The following GCM2 variants were observed in gnomAD, a reference collection of about 807,000 sequenced individuals.
GCM2 encodes chorion-specific transcription factor GCMb.
In GCM2, 21 loss-of-function variants were observed where a neutral mutation model predicts 24.8. That is an observed-to-expected ratio of 0.85 (90% CI 0.60 to 1.22). GCM2 has a LOEUF of 1.22. Among genes scored for constraint, GCM2 ranks in the 50% most tolerant of loss-of-function variants. The pLI is 0.00. For missense variants in GCM2, 532 were observed against 645.6 expected, an observed-to-expected ratio of 0.82 and a Z score of 1.91; for synonymous variants, 222 against 238.0, an observed-to-expected ratio of 0.93 and a Z score of 0.62.
chr6:10,874,109 G>A lies in GCM2; in HGVS notation c.1407C>T (p.Ser469=), dbSNP rs1433255347. 1.9e-6 allele frequency: 3 copies of A among 1,614,214 alleles called. No homozygotes were observed. In the Admixed American group the frequency reaches 5.0e-5, roughly 27 times the overall value. The part of the protein sequence containing the change: ...PTVAIPHEPV[S]SRTDEAETWD... ...AAGTCTCTGCTTCATCTGTCCTAGA[G>A]GAAACTGGCTCGTGGGGAATAGCCA... Residue 469 remains serine (S), a synonymous_variant, in exon 5 of 5, where the codon TCC becomes TCT. Transcript: ENST00000379491.
In GCM2 at chr6:10,874,800, T is replaced by A. The variant is rs750286126; in HGVS notation, c.716A>T (p.Asp239Val). The A allele has an allele frequency of 1.2e-6, 2 of 1,613,402 alleles. No homozygotes were observed. Among genetic ancestry groups the A allele is most frequent in the Non-Finnish European group, 1.7e-6 (2 of 1,179,578 alleles). Residue 239 changes from aspartate to valine, a missense_variant, in exon 5 of 5, where the codon GAT becomes GTT. Coordinates refer to ENST00000379491, the MANE Select transcript of GCM2 (RefSeq NM_004752.4). ...TAGGTCACAGGTAGCTTTGTAAACA[T>A]CAGACTTTGGGAAGGAAGGGCAAGG... ...GQPCPSFPKS[D>V]VYKATCDLAT...
At chr6:10,880,276 C>T (rs945924926) in intron 1 of GCM2, among the ~76,000 whole-genome samples, 1 of 140,862 alleles carries the variant, frequency 7.1e-6, no homozygotes, top group Non-Finnish European at 1.5e-5. Context: ...CAAACAACAA[C>T]AAAAAACCCC....
At chr6:10,880,146 T>G (rs1157531417) in intron 1 of GCM2, among the ~76,000 whole-genome samples, 1 of 152,000 alleles carries the variant, frequency 6.6e-6, no homozygotes, top group East Asian at 1.9e-4. Context: ...TCCCAGCTAC[T>G]CGGGAAGCTG....
rs1483750460 is a variant in GCM2 at position 10,877,126 on chromosome 6, C to T, written c.343+14G>A. On this transcript the variant is annotated intron_variant, in intron 2 of 4. Coordinates refer to ENST00000379491, the MANE Select transcript of GCM2 (RefSeq NM_004752.4). ...GACTCCAAGGTCACCCTCTCCCTGG[C>T]CCCATGTCCTCACTCTGCTGTTTCA... 1.9e-6 allele frequency: 3 copies of T among 1,609,778 alleles called. No individual in the cohort carries two copies. In the African/African-American group the frequency reaches 4.0e-5, roughly 21 times the overall value.
At chr6:10,881,551 GGTATGTGTGTGTGTGTGTGTGT>G (rs1425068425) in intron 1 of GCM2, among the ~76,000 whole-genome samples, 131 bp downstream of exon 1, 140 of 128,248 alleles carry the variant, frequency 1.1e-3, no homozygotes, top group Middle Eastern at 8.1e-3. Flanking sequence ...AAATTTTGCG[GGTATGTGTGTGTGTGTGTGTGT>G]GTGTGTGTGT....
chr6:10,873,661 C>A lies in GCM2; in HGVS notation c.*334G>T. On this transcript the variant is annotated 3_prime_UTR_variant, in exon 5 of 5. Coordinates refer to ENST00000379491, the MANE Select transcript of GCM2 (RefSeq NM_004752.4). Reference sequence around the variant, plus strand: ...AATGGGAAAAGTCCTAGAATAAGAACCAGAATCCTTGACTTCTACTCCTGC... The same window carrying A: ...AATGGGAAAAGTCCTAGAATAAGAAACAGAATCCTTGACTTCTACTCCTGC... The A allele has an allele frequency of 2.8e-6, 1 of 358,106 alleles. No homozygotes were observed. The highest frequency in any genetic ancestry group is 5.4e-6 in the Non-Finnish European group (1 of 186,548). 22.2% of individuals were successfully genotyped at this position (358,106 alleles called of 1,614,324 possible). A position where few individuals can be genotyped will look rare whatever the true frequency, so the allele number is the denominator to read the frequency against.
chr6:10,881,581 T>G, intron 1 of GCM2, 123 bp downstream of exon 1: 1 of 679,320 alleles, frequency 1.5e-6, no homozygotes, highest in Non-Finnish European at 2.6e-6. Context: ...TGTGTGTGTG[T>G]GTGTGTGTGT....
chr6:10,877,545 C>A (rs1360873512), intron 1 of GCM2, among the ~76,000 whole-genome samples, 153 bp from the exon 2 acceptor site: 1 of 152,252 alleles, frequency 6.6e-6, no homozygotes, highest in Non-Finnish European at 1.5e-5. Flanking sequence ...CTATGTAAGA[C>A]TTCCTGACAA....
At chr6:10,881,023 A>G (rs1181518279) in intron 1 of GCM2, among the ~76,000 whole-genome samples, 1 of 152,232 alleles carries the variant, frequency 6.6e-6, no homozygotes, top group Non-Finnish European at 1.5e-5. Flanking sequence ...CCTTGGTTAA[A>G]GGGAAGTGAA....
chr6:10,879,557 G>A (rs1455646595), intron 1 of GCM2, among the ~76,000 whole-genome samples: 1 of 152,164 alleles, frequency 6.6e-6, no homozygotes, highest in African/African-American at 2.4e-5. Flanking sequence ...TCTACCACTT[G>A]ATGACAAGTG....
In GCM2 at chr6:10,877,326, C is replaced by T. The variant is rs11963186; in HGVS notation, c.157G>A (p.Asp53Asn). The change falls in exon 2 of 5, where the codon GAT becomes AAT. Residue 53 changes from aspartate (D) to asparagine (N), a missense_variant. Asp to Asn is a conservative substitution (Grantham distance 23). Coordinates refer to ENST00000379491, the MANE Select transcript of GCM2 (RefSeq NM_004752.4). Reference sequence around the variant, plus strand: ...AGGTGACGCTGTGCCTTCTTCTCATCGCTGCTGTAGATGAAGCGCACATAG... The same window carrying T: ...AGGTGACGCTGTGCCTTCTTCTCATTGCTGCTGTAGATGAAGCGCACATAG... ...DGYVRFIYSSDEKKAQRHLSG... is the reference protein window; with the variant it reads ...DGYVRFIYSSNEKKAQRHLSG... 6.1e-4 allele frequency: 986 copies of T among 1,614,156 alleles called. 7 individuals carry two copies. In the African/African-American group the frequency reaches 7.2e-3, roughly 12 times the overall value.
chr6:10,879,763 T>G (rs3756957), intron 1 of GCM2, among the ~76,000 whole-genome samples: 47,565 of 152,078 alleles, frequency 0.31, 8,568 homozygotes, highest in South Asian at 0.47. Context: ...AAAAAGTTCA[T>G]ATTGACATGG....
chr6:10,874,064 C>A lies in GCM2; in HGVS notation c.1452G>T (p.Gly484=). Residue 484 remains glycine (G), a synonymous_variant, in exon 5 of 5, where the codon GGG becomes GGT. Coordinates refer to ENST00000379491, the MANE Select transcript of GCM2 (RefSeq NM_004752.4). ...EAETWDVCLS[G]LGSAVSYSDR... The stretch of plus-strand genomic sequence containing the variant: ...CTGAGTAACTGACTGCGGAGCCCAG[C>A]CCAGACAGACACACATCCCAAGTCT... The A allele has an allele frequency of 6.2e-7, 1 of 1,614,226 alleles. No homozygotes were observed. Among genetic ancestry groups the A allele is most frequent in the Non-Finnish European group, 8.5e-7 (1 of 1,180,052 alleles).
intron 1 of GCM2, 21 bp from the exon 2 acceptor site, chr6:10,877,413 G>C (rs752444068): frequency 8.1e-6 from 13 of 1,613,792 alleles, no homozygotes; most frequent in African/African-American, 1.3e-5. Context: ...GCAGAAGGAA[G>C]GGTGGTCAGT....
rs1464711697 is a variant in GCM2, at chr6:10,876,953, C to T, written c.343+187G>A. Among the ~76,000 whole-genome samples the T allele has an allele frequency of 3.3e-5, 5 of 152,308 alleles. No homozygotes were observed. The East Asian group carries it at 7.7e-4, about 24-fold the overall frequency. On this transcript the variant is annotated intron_variant, in intron 2 of 4. Transcript: ENST00000379491. ...TGGCGCATGCCTGTAATCCCAGCTA[C>T]TTGGGAGGCTGAGGCAGGAGGATCG...
Position 10,877,055 on chromosome 6 carries a change from T to C in GCM2, c.343+85A>G, listed in dbSNP as rs574611800. On this transcript the variant is annotated intron_variant, in intron 2 of 4. Transcript: ENST00000379491. ...TCCAGCCTGAGTGACAGAGTGAGGC[T>C]CCATCTCAAACAAACAAACAAAAAC... The C allele has an allele frequency of 6.6e-5, 100 of 1,520,658 alleles. No individual in the cohort carries two copies. In the African/African-American group the frequency reaches 1.3e-3, roughly 19 times the overall value. 94.2% of individuals were successfully genotyped at this position (1,520,658 alleles called of 1,614,324 possible).
chr6:10,879,195 G>A (rs4713005), intron 1 of GCM2, among the ~76,000 whole-genome samples: 149,381 of 152,332 alleles, frequency 0.98, 73,314 homozygotes, highest in Middle Eastern at 1. Flanking sequence ...ATAATGATGT[G>A]CTATCAACTC....
Position 10,874,630 on chromosome 6 carries a change from T to C in GCM2, c.886A>G (p.Thr296Ala). Residue 296 changes from threonine (T) to alanine (A), a missense_variant, in exon 5 of 5, where the codon ACC becomes GCC. Thr to Ala is a moderately conservative substitution (Grantham distance 58, BLOSUM62 0). Around this residue, in one of 3 missense-constraint regions of GCM2, gnomAD observed 434 missense variants for 521.9 expected, o/e 0.83. Transcript: ENST00000379491. ...SPYPTLYKDS[T>A]SIPNDTDWVH... The stretch of plus-strand genomic sequence containing the variant: ...CAGTCTGTGTCATTAGGGATACTGG[T>C]GGAATCCTTATAAAGGGTGGGATAT... 6.2e-7 allele frequency: 1 copy of C among 1,614,144 alleles called. No individual in the cohort carries two copies. The highest frequency in any genetic ancestry group is 2.2e-5 in the East Asian group (1 of 44,872).
At chr6:10,875,408 A>G (rs920900774) in intron 4 of GCM2, among the ~76,000 whole-genome samples, 1 of 152,214 alleles carries the variant, frequency 6.6e-6, no homozygotes, top group Non-Finnish European at 1.5e-5. Context: ...AGTGCCTGGC[A>G]CATAGGAAGT....
Sources: allele counts gnomAD v4.1 joint callset (sites outside exome capture counted in the v4.1 genomes callset), GRCh38; gene constraint gnomAD v4.1.1; regional missense constraint gnomAD v4.1.1; transcripts MANE v1.5; gene names NCBI Gene and HGNC (gene_info 2026-07-23, HGNC 2026-07-21).